Variants in DCDC1 observed in about 807,000 individuals in gnomAD.
DCDC1 encodes the protein doublecortin domain containing 1, also known as doublecortin domain-containing protein 1.
A neutral mutation model predicts 178.3 loss-of-function variants in DCDC1; 200 were observed. The ratio of observed to expected loss-of-function variants is 1.12; its 90% CI spans 1.00 to 1.26. The LOEUF is 1.26. DCDC1 is among the 50% of genes most tolerant of loss of function. DCDC1 has a pLI of 0.00. For missense variants in DCDC1, 1,983 were observed against 1,749.2 expected, an observed-to-expected ratio of 1.13 and a Z score of -2.38; for synonymous variants, 690 against 604.8, an observed-to-expected ratio of 1.14 and a Z score of -2.07.
At chr11:31,231,346 A>C (rs757104742) in intron 9 of DCDC1, among the ~76,000 whole-genome samples, 1 of 152,162 alleles carries the variant, frequency 6.6e-6, no homozygotes, top group Non-Finnish European at 1.5e-5. Context: ...GAGCCCTATC[A>C]CAAGTTTATG....
At chr11:31,233,144 GGTAA>G (rs1458908766) in intron 9 of DCDC1, among the ~76,000 whole-genome samples, 2 of 151,706 alleles carry the variant, frequency 1.3e-5, no homozygotes, top group Non-Finnish European at 2.9e-5. Context: ...AGCTCAATGA[GGTAA>G]GTATTATTGT....
chr11:31,355,492 A>G (rs1951294559), intron 1 of DCDC1, among the ~76,000 whole-genome samples: 1 of 152,172 alleles, frequency 6.6e-6, no homozygotes. Context: ...CCATTCAAAC[A>G]TTTAAAATAA....
chr11:30,979,166 C>T (rs1239033791), intron 20 of DCDC1, among the ~76,000 whole-genome samples: 2 of 151,766 alleles, frequency 1.3e-5, no homozygotes, highest in South Asian at 2.1e-4. Context: ...CACTCCTCCA[C>T]AAAGAATAAC....
At chr11:31,025,429 C>A (rs79448929) in intron 20 of DCDC1, among the ~76,000 whole-genome samples, 107 of 151,826 alleles carry the variant, frequency 7.0e-4, no homozygotes, top group African/African-American at 2.5e-3. Flanking sequence ...ACATCCATTA[C>A]TATTAATATA....
intron 8 of DCDC1, among the ~76,000 whole-genome samples, chr11:31,249,804 C>T (rs917161670): frequency 1.3e-5 from 2 of 152,106 alleles, no homozygotes; most frequent in African/African-American, 4.8e-5. Flanking sequence ...TGAAGAGAGG[C>T]AAATACACTT....
At chr11:31,205,301 G>A (rs1188086576) in intron 9 of DCDC1, among the ~76,000 whole-genome samples, 1 of 152,128 alleles carries the variant, frequency 6.6e-6, no homozygotes, top group African/African-American at 2.4e-5. Context: ...AGGCTGTATG[G>A]TACACAAAGC....
chr11:31,080,700 G>A (rs1957118044), intron 17 of DCDC1, among the ~76,000 whole-genome samples: 1 of 152,126 alleles, frequency 6.6e-6, no homozygotes, highest in Non-Finnish European at 1.5e-5. Flanking sequence ...AAAAAAGAGT[G>A]ATTGCTGTAA....
chr11:31,212,616 GA>G (rs1972707783), intron 9 of DCDC1, among the ~76,000 whole-genome samples: 7 of 151,980 alleles, frequency 4.6e-5, no homozygotes. Context: ...TTTCAAATGA[GA>G]TTTTTTTAAA....
chr11:30,977,380 CCAAA>C (rs903693196), intron 20 of DCDC1, among the ~76,000 whole-genome samples: 2 of 152,086 alleles, frequency 1.3e-5, no homozygotes, highest in African/African-American at 4.8e-5. Context: ...ATGGGACACC[CCAAA>C]CACTCTGACT....
chr11:30,921,817 T>C (rs1946265292), intron 24 of DCDC1, among the ~76,000 whole-genome samples: 2 of 152,294 alleles, frequency 1.3e-5, no homozygotes, highest in South Asian at 4.1e-4. Flanking sequence ...CCACGTGAAC[T>C]GGGATCTGGT....
Position 31,118,296 on chromosome 11 carries a change from T to C in DCDC1, c.1486-7935A>G, listed in dbSNP as rs934613523. Reference sequence around the variant, plus strand: ...TTTCCCCTAAAGTGAATGAGTATCCTGAGAAACTAAAAGCTGTACAAAAGC... The same window carrying C: ...TTTCCCCTAAAGTGAATGAGTATCCCGAGAAACTAAAAGCTGTACAAAAGC... On this transcript the variant is annotated intron_variant, in intron 11 of 38. Coordinates refer to ENST00000684477, the MANE Select transcript of DCDC1 (RefSeq NM_001387274.1). Among the ~76,000 whole-genome samples the C allele has an allele frequency of 3.3e-5, 5 of 152,270 alleles. No individual in the cohort carries two copies. In the East Asian group the frequency reaches 9.6e-4, roughly 29 times the overall value.
chr11:30,928,150 T>G (rs1303136413), intron 22 of DCDC1, among the ~76,000 whole-genome samples: 1 of 152,102 alleles, frequency 6.6e-6, no homozygotes, highest in South Asian at 2.1e-4. Flanking sequence ...TATTAGTTAT[T>G]TCAGAGCTGA....
chr11:30,886,701 G>A (rs77844759), intron 36 of DCDC1, among the ~76,000 whole-genome samples: 9,186 of 151,806 alleles, frequency 0.061, 390 homozygotes, highest in Non-Finnish European at 0.088. Flanking sequence ...TCACACTGGG[G>A]TTTGTGTCTT....
intron 10 of DCDC1, among the ~76,000 whole-genome samples, chr11:31,136,923 G>C (rs1963204192): frequency 6.6e-6 from 1 of 152,048 alleles, no homozygotes; most frequent in African/African-American, 2.4e-5. Context: ...GCTCACTTAG[G>C]CTTAACATTT....
At chr11:30,865,663 A>G (rs1055140409) in intron 38 of DCDC1, among the ~76,000 whole-genome samples, 1 of 152,190 alleles carries the variant, frequency 6.6e-6, no homozygotes, top group Non-Finnish European at 1.5e-5. Flanking sequence ...CCTTAGCAGC[A>G]AAGTGTCAGA....
At chr11:31,069,289 C>T (rs1302700331) in intron 18 of DCDC1, among the ~76,000 whole-genome samples, 1 of 152,066 alleles carries the variant, frequency 6.6e-6, no homozygotes, top group Non-Finnish European at 1.5e-5. Flanking sequence ...CTAAGCTAAT[C>T]CAAAACATTA....
chr11:31,163,279 A>C (rs1966473204), intron 9 of DCDC1, among the ~76,000 whole-genome samples: 1 of 152,198 alleles, frequency 6.6e-6, no homozygotes, highest in Non-Finnish European at 1.5e-5. Context: ...TTATGAGTTC[A>C]AAGATACAAC....
chr11:31,258,232 T>C (rs1461952034), intron 8 of DCDC1, among the ~76,000 whole-genome samples: 1 of 152,168 alleles, frequency 6.6e-6, no homozygotes, highest in Admixed American at 6.5e-5. Flanking sequence ...GATGTTAGAC[T>C]GTGGGAGAAA....
intron 37 of DCDC1, among the ~76,000 whole-genome samples, chr11:30,879,304 A>G (rs1156952396): frequency 6.6e-6 from 1 of 152,192 alleles, no homozygotes; most frequent in Non-Finnish European, 1.5e-5. Context: ...TGGAATGATT[A>G]AGTAAATGTC....
Sources: allele counts gnomAD v4.1 joint callset (sites outside exome capture counted in the v4.1 genomes callset), GRCh38; gene constraint gnomAD v4.1.1; transcripts MANE v1.5; gene names NCBI Gene and HGNC (gene_info 2026-07-23, HGNC 2026-07-21).